FAM110B: variants seen among roughly 807,000 people sequenced by gnomAD.
FAM110B encodes family with sequence similarity 110 member B.
In FAM110B, 6 loss-of-function variants were observed where a neutral mutation model predicts 20.4. The observed-to-expected ratio is 0.29, with a 90% CI of 0.16 to 0.58. FAM110B has a LOEUF of 0.58. FAM110B is among the 20% of genes least tolerant of loss of function. The probability of loss-of-function intolerance (pLI) is 0.90; values close to 1 mark genes in which losing one functional copy is unlikely to be tolerated. For synonymous variants in FAM110B, 226 were observed against 214.1 expected, an observed-to-expected ratio of 1.06 and a Z score of -0.49; for missense variants, 434 against 498.2, an observed-to-expected ratio of 0.87 and a Z score of 1.23.
At chr8:58,108,185 G>T (rs1806967908) in intron 3 of FAM110B, among the ~76,000 whole-genome samples, 1 of 152,186 alleles carries the variant, frequency 6.6e-6, no homozygotes, top group African/African-American at 2.4e-5. Flanking sequence ...TGAGCCTGGG[G>T]TGAAGATTAC....
In FAM110B at chr8:58,123,441, T is replaced by C. The variant is rs1807416660; in HGVS notation, c.-324-22466T>C. On this transcript the variant is annotated intron_variant, in intron 3 of 3. Transcript: ENST00000519262. ...CACTTTGTGTCTCTCTTATTCTTTC[T>C]GCTGTGTTTATTATTTTCATTTTAA... is the stretch of plus-strand genomic sequence containing the variant. 3.3e-5 allele frequency among the ~76,000 whole-genome samples: 5 copies of C among 152,206 alleles called. 1 individual carries two copies. In the South Asian group the frequency reaches 1.0e-3, roughly 32 times the overall value.
At chr8:58,086,112 T>C (rs1469998906) in intron 3 of FAM110B, among the ~76,000 whole-genome samples, 2 of 152,170 alleles carry the variant, frequency 1.3e-5, no homozygotes, top group Non-Finnish European at 2.9e-5. Context: ...TCATCACCTA[T>C]GTACAGTGGT....
intron 3 of FAM110B, among the ~76,000 whole-genome samples, chr8:58,130,373 C>T (rs1803420568): frequency 6.6e-6 from 1 of 152,124 alleles, no homozygotes; most frequent in Non-Finnish European, 1.5e-5. Flanking sequence ...AGCTAAGGAA[C>T]CTAAAGTTAG....
intron 3 of FAM110B, among the ~76,000 whole-genome samples, chr8:58,105,650 G>A (rs1806892639): frequency 7.5e-6 from 1 of 132,554 alleles, no homozygotes; most frequent in Non-Finnish European, 1.5e-5. Context: ...CTCATTGCAA[G>A]CTCCGCCTCC....
chr8:58,037,028 G>A (rs1321521185), intron 2 of FAM110B, among the ~76,000 whole-genome samples: 2 of 152,112 alleles, frequency 1.3e-5, no homozygotes, highest in Admixed American at 1.3e-4. Flanking sequence ...GAGTAAAGGG[G>A]AAGAACATCG....
At chr8:58,037,473 A>G (rs571801376) in intron 2 of FAM110B, among the ~76,000 whole-genome samples, 1 of 150,352 alleles carries the variant, frequency 6.7e-6, no homozygotes, top group African/African-American at 2.4e-5. Context: ...AGTCTCCACA[A>G]AAAAAAAAAT....
chr8:58,009,726 T>C (rs1383284811), intron 1 of FAM110B, among the ~76,000 whole-genome samples: 1 of 152,202 alleles, frequency 6.6e-6, no homozygotes, highest in African/African-American at 2.4e-5. Flanking sequence ...TTCATTGATT[T>C]TGCTCCATCT....
intron 3 of FAM110B, among the ~76,000 whole-genome samples, chr8:58,144,224 G>A (rs139925614): frequency 2.0e-5 from 3 of 152,116 alleles, no homozygotes; most frequent in Non-Finnish European, 2.9e-5. Context: ...CAAGGGTCCC[G>A]GGTATGATGA....
At chr8:58,043,825 A>G (rs369389146) in intron 2 of FAM110B, among the ~76,000 whole-genome samples, 1 of 152,310 alleles carries the variant, frequency 6.6e-6, no homozygotes, top group East Asian at 1.9e-4. Context: ...CATTTTATAG[A>G]TGAGGAGACT....
At chr8:58,088,504 G>A (rs1487329866) in intron 3 of FAM110B, among the ~76,000 whole-genome samples, 2 of 152,130 alleles carry the variant, frequency 1.3e-5, no homozygotes, top group Admixed American at 1.3e-4. Context: ...TTGAGTAGAA[G>A]GATTGTATAT....
At chr8:58,101,742 T>C (rs1343604772) in intron 3 of FAM110B, among the ~76,000 whole-genome samples, 2 of 152,136 alleles carry the variant, frequency 1.3e-5, no homozygotes, top group African/African-American at 4.8e-5. Context: ...TCATGGTGGA[T>C]TGAGTCACCA....
chr8:58,137,351 G>A (rs1803642778), intron 3 of FAM110B, among the ~76,000 whole-genome samples: 1 of 152,174 alleles, frequency 6.6e-6, no homozygotes, highest in Non-Finnish European at 1.5e-5. Flanking sequence ...CCTTAGGTCA[G>A]GAGTTTGAGA....
At chr8:58,012,479 G>GA (rs1804558145) in intron 1 of FAM110B, among the ~76,000 whole-genome samples, 1 of 151,912 alleles carries the variant, frequency 6.6e-6, no homozygotes, top group African/African-American at 2.4e-5. Flanking sequence ...TGATAGGTGA[G>GA]AAAAAATATT....
chr8:58,086,287 T>C (rs1289249174), intron 3 of FAM110B, among the ~76,000 whole-genome samples: 1 of 152,200 alleles, frequency 6.6e-6, no homozygotes, highest in African/African-American at 2.4e-5. Flanking sequence ...GAAAAAATTA[T>C]ATGAATATAT....
chr8:58,051,880 C>G (rs1805449940), intron 2 of FAM110B, among the ~76,000 whole-genome samples: 1 of 152,186 alleles, frequency 6.6e-6, no homozygotes, highest in Non-Finnish European at 1.5e-5. Flanking sequence ...TCCCCTACCT[C>G]TTTCAAAAAG....
chr8:58,057,211 C>T (rs1805563582), intron 2 of FAM110B, among the ~76,000 whole-genome samples: 1 of 152,198 alleles, frequency 6.6e-6, no homozygotes, highest in Admixed American at 6.5e-5. Flanking sequence ...TCACTACCCT[C>T]CTTGGTGAGA....
intron 2 of FAM110B, among the ~76,000 whole-genome samples, chr8:58,069,408 G>A (rs773619568): frequency 8.5e-5 from 13 of 152,194 alleles, no homozygotes; most frequent in African/African-American, 2.4e-4. Flanking sequence ...GGGTCACAGC[G>A]CTAGGTAATG....
intron 3 of FAM110B, among the ~76,000 whole-genome samples, chr8:58,122,173 T>G (rs991782673): frequency 6.6e-6 from 1 of 152,164 alleles, no homozygotes; most frequent in Non-Finnish European, 1.5e-5. Context: ...TTTGAAGACA[T>G]TAAATGCTCT....
chr8:57,999,881 A>G (rs1237933373), intron 1 of FAM110B, among the ~76,000 whole-genome samples: 7 of 152,184 alleles, frequency 4.6e-5, no homozygotes, highest in African/African-American at 1.7e-4. Flanking sequence ...AGAAGGCAAC[A>G]TGTTTGGGCA....
Sources: gnomAD v4.1 joint callset for allele counts (sites outside exome capture counted in the v4.1 genomes callset) on GRCh38, gnomAD v4.1.1 for gene constraint, MANE v1.5 for transcripts, NCBI Gene and HGNC (gene_info 2026-07-23, HGNC 2026-07-21) for gene names.